The following ADAP1 variants were observed in gnomAD, a reference collection of about 807,000 sequenced individuals.
ADAP1 encodes arf-GAP with dual PH domain-containing protein 1.
A neutral mutation model predicts 54.9 loss-of-function variants in ADAP1; 31 were observed. That is an observed-to-expected ratio of 0.56 (90% CI 0.42 to 0.76). The LOEUF (loss-of-function observed/expected upper bound fraction) is 0.76, where lower values mean the gene tolerates loss of function less well. ADAP1 is among the 30% of genes least tolerant of loss of function. The pLI is 0.00. For missense variants in ADAP1, 535 were observed against 512.4 expected, an observed-to-expected ratio of 1.04 and a Z score of -0.42; for synonymous variants, 313 against 202.6, an observed-to-expected ratio of 1.55 and a Z score of -4.63.
intron 1 of ADAP1, among the ~76,000 whole-genome samples, 183 bp from the exon 2 acceptor site, chr7:935,688 C>T (rs1307221241): frequency 6.6e-6 from 1 of 151,892 alleles, no homozygotes; most frequent in East Asian, 2.0e-4. Context: ...CCGCCCTCTG[C>T]CCGGTGCAGA....
chr7:915,826 C>T (rs569098042), intron 4 of ADAP1, among the ~76,000 whole-genome samples: 10 of 152,176 alleles, frequency 6.6e-5, no homozygotes, highest in South Asian at 4.1e-4. Context: ...GCCGACGAGA[C>T]GCTGTCTGCC....
chr7:904,216 C>G lies in ADAP1; in HGVS notation c.558G>C (p.Pro186=), dbSNP rs376055866. 4 of 1,610,682 alleles carry G rather than the reference C, an allele frequency of 2.5e-6. No individual in the cohort carries two copies. Among genetic ancestry groups the G allele is most frequent in the Non-Finnish European group, 3.4e-6 (4 of 1,178,936 alleles). ...KIEHLNATFQ[P]AKIGHPHGLQ... ...GGCCGTGGGGGTGGCCGATCTTGGC[C>G]GGCTGGAAGGTGGCGTTCAGGTGCT... Residue 186 remains proline, a synonymous_variant, in exon 6 of 11, where the codon CCG becomes CCC. Coordinates refer to ENST00000265846, the MANE Select transcript of ADAP1 (RefSeq NM_006869.4).
chr7:915,146 G>T (rs868254840), intron 4 of ADAP1, among the ~76,000 whole-genome samples: 1 of 57,146 alleles, frequency 1.7e-5, no homozygotes, highest in African/African-American at 1.0e-4. Context: ...CATGCCCTCT[G>T]CAAGAGGCTG....
Position 905,112 on chromosome 7 carries a change from T to C in ADAP1, c.449A>G (p.Lys150Arg), listed in dbSNP as rs1845043404. 2.5e-6 allele frequency: 4 copies of C among 1,612,474 alleles called. No individual in the cohort carries two copies. The highest frequency in any genetic ancestry group is 2.2e-5 in the East Asian group (1 of 44,882). Reference sequence around the variant, plus strand: ...ACCCTCTCGTTCTGTCAGCACAAACTTCCGGCTCAAAAACTGCCCGTTGTC... The same window carrying C: ...ACCCTCTCGTTCTGTCAGCACAAACCTCCGGCTCAAAAACTGCCCGTTGTC... ...GRDNGQFLSR[K>R]FVLTEREGAL... is the part of the protein sequence containing the mutation. The change falls in exon 5 of 11, where the codon AAG (lysine) becomes AGG (arginine). Residue 150 changes from lysine to arginine, a missense_variant. Lys to Arg is a conservative substitution (Grantham distance 26). Transcript: ENST00000265846.
intron 6 of ADAP1, 48 bp downstream of exon 6, chr7:904,078 G>A (rs1408593835): frequency 6.2e-7 from 1 of 1,602,034 alleles, no homozygotes; most frequent in African/African-American, 1.3e-5. Context: ...CGGGCCTGAG[G>A]GCCCACCCTC....
chr7:905,314 G>GGGAGAGGGGACACAGGT (rs1554271670), intron 4 of ADAP1, 142 bp from the exon 5 acceptor site: 1 of 433,298 alleles, frequency 2.3e-6, no homozygotes, highest in African/African-American at 3.3e-5. Flanking sequence ...GAGACGGACG[G>GGGAGAGGGGACACAGGT]GGAGAGGGGA....
chr7:930,975 G>A (rs1846555973), intron 2 of ADAP1, among the ~76,000 whole-genome samples: 1 of 119,440 alleles, frequency 8.4e-6, no homozygotes, highest in African/African-American at 3.4e-5. Flanking sequence ...GTCAGACTGT[G>A]TCTCAAAAAA....
chr7:905,299 A>ATGGGGAGAAGACACAGGGGACACGGAT, intron 4 of ADAP1, 127 bp from the exon 5 acceptor site: 1 of 172,468 alleles, frequency 5.8e-6, no homozygotes, highest in Non-Finnish European at 1.1e-5. Context: ...GGACACGGAC[A>ATGGGGAGAAGACACAGGGGACACGGAT]GGGGGAGACG....
At chr7:934,771 G>T (rs1396188774) in intron 2 of ADAP1, among the ~76,000 whole-genome samples, 4 of 152,186 alleles carry the variant, frequency 2.6e-5, no homozygotes, top group African/African-American at 9.6e-5. Context: ...CCTCCCCATA[G>T]GGGCGTCTCT....
chr7:928,282 C>G (rs1209210253), intron 2 of ADAP1, among the ~76,000 whole-genome samples: 1 of 151,986 alleles, frequency 6.6e-6, no homozygotes, highest in African/African-American at 2.4e-5. Context: ...CGGGAGGATC[C>G]CTTGAGCCCA....
intron 1 of ADAP1, among the ~76,000 whole-genome samples, chr7:952,426 C>T (rs867694063): frequency 2.6e-5 from 4 of 152,228 alleles, no homozygotes; most frequent in South Asian, 2.1e-4. Flanking sequence ...CACCCCAGCC[C>T]CCATCAACAC....
At chr7:918,262 C>A (rs993287102) in intron 4 of ADAP1, among the ~76,000 whole-genome samples, 1 of 152,038 alleles carries the variant, frequency 6.6e-6, no homozygotes, top group African/African-American at 2.4e-5. Context: ...TGTCACCCGG[C>A]CTGGAGTGCA....
chr7:901,730 C>T (rs1844825690), intron 6 of ADAP1, among the ~76,000 whole-genome samples: 1 of 151,742 alleles, frequency 6.6e-6, no homozygotes, highest in Admixed American at 6.6e-5. Flanking sequence ...ACCCACGCCA[C>T]CCAACCAGCC....
intron 1 of ADAP1, among the ~76,000 whole-genome samples, chr7:940,374 A>ACACACAC (rs1846912015): frequency 6.9e-6 from 1 of 144,346 alleles, no homozygotes; most frequent in African/African-American, 2.6e-5. Flanking sequence ...ACACACACAC[A>ACACACAC]ATATGGAGAC....
At chr7:912,213 C>T (rs541410332) in intron 4 of ADAP1, among the ~76,000 whole-genome samples, 21 of 152,304 alleles carry the variant, frequency 1.4e-4, no homozygotes, top group Non-Finnish European at 5.9e-5. Flanking sequence ...GACAGGAGCA[C>T]GGGGTCCGGA....
chr7:899,380 G>T (rs1277554277), intron 9 of ADAP1, 39 bp downstream of exon 9: 6 of 1,610,812 alleles, frequency 3.7e-6, no homozygotes, highest in South Asian at 1.1e-5. Flanking sequence ...CCCAGCCAGT[G>T]AGCTGCCCTC....
chr7:910,913 A>G (rs1845696556), intron 4 of ADAP1, among the ~76,000 whole-genome samples: 1 of 152,144 alleles, frequency 6.6e-6, no homozygotes, highest in Non-Finnish European at 1.5e-5. Context: ...CTCAGGAGGC[A>G]AACACCGGAG....
chr7:936,412 C>T (rs753701702), intron 1 of ADAP1, among the ~76,000 whole-genome samples: 7 of 152,162 alleles, frequency 4.6e-5, no homozygotes, highest in African/African-American at 1.4e-4. Context: ...AGGCTGGCCT[C>T]GAACTCTTGA....
chr7:927,128 G>A (rs1488697326), intron 2 of ADAP1: 1 of 1,303,910 alleles, frequency 7.7e-7, no homozygotes, highest in Non-Finnish European at 1.0e-6. Flanking sequence ...ACCCAGATGT[G>A]GCTAGGACAG....
Sources: allele counts gnomAD v4.1 joint callset (sites outside exome capture counted in the v4.1 genomes callset), GRCh38; gene constraint gnomAD v4.1.1; transcripts MANE v1.5; gene names NCBI Gene and HGNC (gene_info 2026-07-23, HGNC 2026-07-21).